The following ZNF724 variants were observed in gnomAD, a reference collection of about 807,000 sequenced individuals.
ZNF724 encodes zinc finger protein 724 pseudogene.
ZNF724 carries 14 observed loss-of-function variants against 29.3 expected under a neutral mutation model. That is an observed-to-expected ratio of 0.48 (90% confidence interval 0.32 to 0.75). ZNF724 has a LOEUF of 0.75. ZNF724 is among the 30% of genes least tolerant of loss of function. The probability of loss-of-function intolerance (pLI) is 0.04; values close to 1 mark genes in which losing one functional copy is unlikely to be tolerated. For missense variants in ZNF724, 557 were observed against 571.2 expected (o/e 0.98, Z 0.25); for synonymous variants, 180 against 193.6 (o/e 0.93, Z 0.58).
At chr19:23,225,183 T>C (rs1217647333) in intron 3 of ZNF724, among the ~76,000 whole-genome samples, 2 of 152,208 alleles carry the variant, frequency 1.3e-5, no homozygotes, top group African/African-American at 4.8e-5. Context: ...AGAAGAGATA[T>C]GTAAACATCT....
Position 23,222,596 on chromosome 19 carries a change from G to A in ZNF724, c.1649C>T (p.Thr550Ile), listed in dbSNP as rs781249324. 5.1e-6 allele frequency: 7 copies of A among 1,379,626 alleles called. No homozygotes were observed. The highest frequency in any genetic ancestry group is 1.7e-5 in the Admixed American group (1 of 59,702). The allele number at this position is 1,379,626 out of a possible 1,614,324, so 85.5% of individuals were successfully genotyped here. The part of the protein sequence containing the change: ...GKAFYQYSNL[T>I]QHKIIHTGEK... ...TCCAGTATGAATTATCTTATGTTGA[G>A]TAAGGTTTGAGTATTGGTAAAAAGC... The change falls in exon 4 of 4, where the codon ACT (threonine) becomes ATT (isoleucine). Residue 550 changes from threonine to isoleucine, a missense_variant. Thr to Ile is a moderately conservative substitution (Grantham distance 89). This residue lies in a region of ZNF724 where 170 missense variants were observed against 220.7 expected (regional missense o/e 0.77). Transcript: ENST00000418100.
intron 1 of ZNF724, among the ~76,000 whole-genome samples, chr19:23,249,786 G>A (rs1413397070): frequency 6.6e-6 from 1 of 152,110 alleles, no homozygotes; most frequent in African/African-American, 2.4e-5. Context: ...CGCCCGCCTC[G>A]GCCTCTCGAA....
At chr19:23,241,452 C>T (rs549985390) in intron 1 of ZNF724, among the ~76,000 whole-genome samples, 10 of 152,024 alleles carry the variant, frequency 6.6e-5, no homozygotes, top group African/African-American at 2.4e-4. Context: ...CAGAAGAAAA[C>T]CTCAGGCTAA....
At chr19:23,235,811 AG>A (rs1972014224) in intron 1 of ZNF724, among the ~76,000 whole-genome samples, 1 of 152,238 alleles carries the variant, frequency 6.6e-6, no homozygotes, top group Non-Finnish European at 1.5e-5. Context: ...TATAATTAAA[AG>A]AAAAAATTTC....
At chr19:23,243,944 T>G (rs1472121075) in intron 1 of ZNF724, among the ~76,000 whole-genome samples, 1 of 58,702 alleles carries the variant, frequency 1.7e-5, no homozygotes, top group Non-Finnish European at 3.4e-5. Flanking sequence ...AAAATTAAAT[T>G]AAATAAATAA....
chr19:23,226,331 G>A (rs1461004228), intron 3 of ZNF724, among the ~76,000 whole-genome samples: 8 of 152,036 alleles, frequency 5.3e-5, no homozygotes, highest in Admixed American at 2.0e-4. Context: ...GATTACAGGC[G>A]TGAGCCACCA....
intron 1 of ZNF724, among the ~76,000 whole-genome samples, chr19:23,249,961 CTG>C (rs977385371): frequency 8.5e-5 from 13 of 152,234 alleles, no homozygotes; most frequent in Non-Finnish European, 1.5e-4. Flanking sequence ...CCTGCACAAT[CTG>C]GGAGAGACGC....
At chr19:23,247,042 G>A (rs1169879820) in intron 1 of ZNF724, among the ~76,000 whole-genome samples, 1 of 152,072 alleles carries the variant, frequency 6.6e-6, no homozygotes, top group Non-Finnish European at 1.5e-5. Flanking sequence ...GGCCAACATG[G>A]CGAAACCCCG....
At chr19:23,234,849 C>T (rs4932842) in intron 1 of ZNF724, among the ~76,000 whole-genome samples, 129,886 of 152,200 alleles carry the variant, frequency 0.85, 55,457 homozygotes, top group South Asian at 0.93. Flanking sequence ...CATGAATGTG[C>T]GTTTTAAATA....
At chr19:23,226,614 AG>A (rs1375746868) in intron 3 of ZNF724, among the ~76,000 whole-genome samples, 21 of 152,334 alleles carry the variant, frequency 1.4e-4, no homozygotes, top group Admixed American at 4.6e-4. Flanking sequence ...GTGATCTGAA[AG>A]GAACACAAAG....
chr19:23,243,948 T>TA (rs1308793977), intron 1 of ZNF724, among the ~76,000 whole-genome samples: 13 of 49,594 alleles, frequency 2.6e-4, no homozygotes, highest in African/African-American at 9.4e-4. Context: ...TTAAATTAAA[T>TA]AAATAAAAAA....
chr19:23,244,276 C>T (rs888794837), intron 1 of ZNF724, among the ~76,000 whole-genome samples: 44 of 152,012 alleles, frequency 2.9e-4, no homozygotes, highest in African/African-American at 8.0e-4. Flanking sequence ...CCGGGAGACT[C>T]GTAGACACTT....
intron 3 of ZNF724, among the ~76,000 whole-genome samples, chr19:23,227,142 A>G (rs963483919): frequency 6.6e-6 from 1 of 152,220 alleles, no homozygotes; most frequent in African/African-American, 2.4e-5. Flanking sequence ...ATGCAGTATA[A>G]CCATAAATAG....
Position 23,232,235 on chromosome 19 carries a change from A to T in ZNF724, c.62T>A (p.Leu21Gln). 1 of 1,313,714 alleles carries T rather than the reference A, an allele frequency of 7.6e-7. No homozygotes were observed. Among genetic ancestry groups the T allele is most frequent in the Non-Finnish European group, 1.1e-6 (1 of 906,252 alleles). 81.4% of individuals were successfully genotyped at this position (1,313,714 alleles called of 1,614,324 possible). The change falls in exon 2 of 4, where the codon CTG becomes CAG. Residue 21 changes from leucine to glutamine, a missense_variant. Transcript: ENST00000418100. ...ATATAAATTCTGCTGTGCAGTGTCC[A>T]GGCATTGCCACTCCTCCACAGAGAA... is the stretch of plus-strand genomic sequence containing the variant. Reference protein sequence around the residue: ...IEFSVEEWQCLDTAQQNLYRN... With the variant: ...IEFSVEEWQCQDTAQQNLYRN...
Position 23,232,279 on chromosome 19 carries a change from A to C in ZNF724, c.18T>G (p.Phe6Leu), listed in dbSNP as rs1418562982. 5 of 1,249,790 alleles carry C rather than the reference A, an allele frequency of 4.0e-6. No individual in the cohort carries two copies. The highest frequency in any genetic ancestry group is 1.5e-5 in the African/African-American group (1 of 67,982). The allele number at this position is 1,249,790 out of a possible 1,614,324, so 77.4% of individuals were successfully genotyped here. A position where few individuals can be genotyped will look rare whatever the true frequency, so the allele number is the denominator to read the frequency against. The change falls in exon 2 of 4, where the codon TTT becomes TTG. Residue 6 changes from phenylalanine (F) to leucine (L), a missense_variant. Around this residue, in one of 3 missense-constraint regions of ZNF724, gnomAD observed 25 missense variants for 54.9 expected, o/e 0.46. Coordinates refer to ENST00000418100, the MANE Select transcript of ZNF724 (RefSeq NM_001355404.2). MGPLT[F>L]MDVAIEFSVE... is the part of the protein sequence containing the mutation. ...CAGAGAATTCTATGGCCACATCCATAAATGTCAATGGTCCCTGAAAAGTAC... is the reference window on the plus strand; with the variant it reads ...CAGAGAATTCTATGGCCACATCCATCAATGTCAATGGTCCCTGAAAAGTAC...
At chr19:23,237,216 A>C (rs537212862) in intron 1 of ZNF724, among the ~76,000 whole-genome samples, 1 of 152,300 alleles carries the variant, frequency 6.6e-6, no homozygotes, top group African/African-American at 2.4e-5. Flanking sequence ...AATATATTTG[A>C]GCTTACAACA....
At position 23,223,479 on chromosome 19, in the gene ZNF724, G is replaced by A. The variant is rs774932852; in HGVS notation, c.766C>T (p.Arg256Cys). The change falls in exon 4 of 4, where the codon CGT becomes TGT. Residue 256 changes from arginine (R) to cysteine (C), a missense_variant. Around this residue, in one of 3 missense-constraint regions of ZNF724, gnomAD observed 362 missense variants for 295.5 expected, o/e 1.22. Transcript: ENST00000418100. ...TTAAAAGCTTTTCCACATTCTTCAC[G>A]TTTGTAGGATTTCTCTCCAGTATGA... ...IIHTGEKSYK[R>C]EECGKAFNIS... 2.3e-5 allele frequency: 17 copies of A among 755,202 alleles called. No individual in the cohort carries two copies. Among genetic ancestry groups the A allele is most frequent in the African/African-American group, 6.9e-5 (4 of 58,230 alleles). 46.8% of individuals were successfully genotyped at this position (755,202 alleles called of 1,614,324 possible). A position where few individuals can be genotyped will look rare whatever the true frequency, so the allele number is the denominator to read the frequency against.
At chr19:23,241,028 A>T (rs537929121) in intron 1 of ZNF724, among the ~76,000 whole-genome samples, 2 of 151,908 alleles carry the variant, frequency 1.3e-5, no homozygotes, top group East Asian at 3.9e-4. Context: ...GCAAGACTCC[A>T]TCTCAACAAC....
intron 3 of ZNF724, 38 bp from the exon 4 acceptor site, chr19:23,224,056 A>T: frequency 1.6e-6 from 1 of 614,080 alleles, no homozygotes; most frequent in Non-Finnish European, 2.9e-6. Flanking sequence ...TCCACATACT[A>T]GACTCAGATA....
Sources: allele counts gnomAD v4.1 joint callset (sites outside exome capture counted in the v4.1 genomes callset), GRCh38; gene constraint gnomAD v4.1.1; regional missense constraint gnomAD v4.1.1; transcripts MANE v1.5; gene names NCBI Gene and HGNC (gene_info 2026-07-23, HGNC 2026-07-21).